HS1BP3: variants seen among roughly 807,000 people sequenced by gnomAD.
HS1BP3 encodes the protein HCLS1-binding protein 3.
Under a neutral mutation model 33.5 loss-of-function variants are expected in HS1BP3, and 32 were observed. The observed-to-expected ratio is 0.95, with a 90% CI of 0.72 to 1.28. The LOEUF (loss-of-function observed/expected upper bound fraction) is 1.28. HS1BP3 is among the 50% of genes most tolerant of loss of function. HS1BP3 has a pLI of 0.00. For synonymous variants in HS1BP3, 187 were observed against 209.2 expected (o/e 0.89, Z 0.92); for missense variants, 486 against 502.3 (o/e 0.97, Z 0.31).
In HS1BP3 at chr2:20,641,020, G is replaced by T; in HGVS notation, c.359C>A (p.Ser120Tyr). 2 of 1,614,188 alleles carry T rather than the reference G, an allele frequency of 1.2e-6. No individual in the cohort carries two copies. The highest frequency in any genetic ancestry group is 1.7e-6 in the Non-Finnish European group (2 of 1,180,032). The stretch of plus-strand genomic sequence containing the variant: ...GCTGCCTGCCAACTCGGCATCCTTG[G>T]AGACACAGCGCAGGATCTCATTGAA... ...AVFNEILRCV[S>Y]KDAELAGSPE... Residue 120 changes from serine (S) to tyrosine (Y), a missense_variant, in exon 3 of 7, where the codon TCC becomes TAC. Physicochemically the swap from Ser to Tyr is moderately radical, Grantham distance 144 (BLOSUM62 -2). Coordinates refer to ENST00000304031, the MANE Select transcript of HS1BP3 (RefSeq NM_022460.4).
downstream of HS1BP3, among the ~76,000 whole-genome samples, chr2:20,558,645 A>G (rs1470743336): frequency 1.3e-5 from 2 of 152,330 alleles, no homozygotes; most frequent in Admixed American, 6.5e-5. Flanking sequence ...GCAAACCCAC[A>G]TGGACAGAGA....
chr2:20,589,316 G>A (rs773894008), downstream of HS1BP3, among the ~76,000 whole-genome samples: 12 of 152,132 alleles, frequency 7.9e-5, no homozygotes, highest in Non-Finnish European at 1.5e-4. Context: ...CTGAAACTGT[G>A]CTGTTGGGGG....
At chr2:20,643,190 G>T (rs1040153763) in intron 2 of HS1BP3, among the ~76,000 whole-genome samples, 1 of 152,186 alleles carries the variant, frequency 6.6e-6, no homozygotes, top group East Asian at 1.9e-4. Context: ...GCCCCTGCAC[G>T]CACACACTCC....
rs546439824 is a variant in HS1BP3 at position 20,626,032 on chromosome 2, CGGG to C, written c.624-1143_624-1141del. Among the ~76,000 whole-genome samples the C allele has an allele frequency of 3.0e-3, 456 of 152,304 alleles. 1 individual carries two copies. The highest frequency in any genetic ancestry group is 5.1e-3 in the Non-Finnish European group (346 of 68,038). On this transcript the variant is annotated intron_variant, in intron 4 of 6. Transcript: ENST00000304031. ...AAATTCCGTGTGCCTGTCCGCCTGGCGGGCAGTTCCACTGGACTGAGGTCACTA... is the reference window on the plus strand; with the variant it reads ...AAATTCCGTGTGCCTGTCCGCCTGGCCAGTTCCACTGGACTGAGGTCACTA...
At chr2:20,625,572 T>C (rs1694754166) in intron 4 of HS1BP3, among the ~76,000 whole-genome samples, 1 of 152,206 alleles carries the variant, frequency 6.6e-6, no homozygotes, top group Non-Finnish European at 1.5e-5. Flanking sequence ...AAACCACCAT[T>C]GTTCTAGTTA....
intron 3 of HS1BP3, among the ~76,000 whole-genome samples, chr2:20,595,496 G>C (rs866206212): frequency 1.3e-5 from 2 of 152,320 alleles, no homozygotes; most frequent in African/African-American, 4.8e-5. Context: ...GGCAGCAGGA[G>C]GGCTTCCTGG....
At chr2:20,573,804 C>T (rs1412025634) in intron 5 of HS1BP3, among the ~76,000 whole-genome samples, 1 of 152,226 alleles carries the variant, frequency 6.6e-6, no homozygotes, top group African/African-American at 2.4e-5. Context: ...CAGGACCATT[C>T]ATCGGTGCTG....
At chr2:20,573,550 A>G (rs1693325654) in intron 5 of HS1BP3, among the ~76,000 whole-genome samples, 1 of 152,160 alleles carries the variant, frequency 6.6e-6, no homozygotes, top group South Asian at 2.1e-4. Flanking sequence ...GTTCCCAAAA[A>G]AGGCCTGGCT....
chr2:20,622,272 C>G, intron 6 of HS1BP3: 1 of 1,304,642 alleles, frequency 7.7e-7, no homozygotes, highest in Non-Finnish European at 1.0e-6. Context: ...AATGTGGTTC[C>G]TGCTCTCAAG....
intron 2 of HS1BP3, among the ~76,000 whole-genome samples, chr2:20,609,957 G>A (rs560027441): frequency 1.3e-5 from 2 of 152,352 alleles, no homozygotes; most frequent in African/African-American, 4.8e-5. Context: ...TATCACCAAA[G>A]GTGGGGCATG....
rs1695329180 is a variant in HS1BP3 at position 20,641,072 on chromosome 2, A to G, written c.307T>C (p.Ser103Pro). 1 of 1,613,828 alleles carries G rather than the reference A, an allele frequency of 6.2e-7. No homozygotes were observed. The change falls in exon 3 of 7, where the codon TCT becomes CCT. Residue 103 changes from serine (S) to proline (P), a missense_variant. Transcript: ENST00000304031. ...LPRKVLFVGE[S>P]DIRERRAVFN... ...ACGGCTCTCCTCTCCCGGATGTCAG[A>G]CTCCCCAACAAACAGGACCTTCCTG...
At chr2:20,566,696 T>C (rs1418614890) in intron 5 of HS1BP3, among the ~76,000 whole-genome samples, 1 of 151,692 alleles carries the variant, frequency 6.6e-6, no homozygotes, top group East Asian at 1.9e-4. Context: ...AAACCCTGCC[T>C]CCTGGGCTCA....
At chr2:20,558,999 G>A (rs62124182), downstream of HS1BP3, among the ~76,000 whole-genome samples, 21,121 of 152,210 alleles carry the variant, frequency 0.14, 1,607 homozygotes, top group South Asian at 0.25. Context: ...TGGGCTGGCC[G>A]CAGAGCAGGG....
At chr2:20,614,915 T>A (rs931705310), downstream of HS1BP3, among the ~76,000 whole-genome samples, 12 of 151,962 alleles carry the variant, frequency 7.9e-5, no homozygotes, top group Non-Finnish European at 1.8e-4. Flanking sequence ...AGCACAGGAG[T>A]GAGAGGCCAG....
At chr2:20,644,714 G>C (rs78596572) in intron 2 of HS1BP3, among the ~76,000 whole-genome samples, 1 of 152,070 alleles carries the variant, frequency 6.6e-6, no homozygotes, top group Non-Finnish European at 1.5e-5. Context: ...CACCTGTTTT[G>C]TTCCTTCCAA....
chr2:20,636,182 T>C (rs1194282969), intron 4 of HS1BP3: 3 of 151,106 alleles, frequency 2.0e-5, no homozygotes, highest in Non-Finnish European at 4.4e-5. Flanking sequence ...GAACAGAAAG[T>C]CCCCCACCAA....
At chr2:20,624,698 G>T in intron 5 of HS1BP3, 34 bp downstream of exon 5, 1 of 1,548,980 alleles carries the variant, frequency 6.5e-7, no homozygotes, top group Non-Finnish European at 8.7e-7. Context: ...GGCACCGAGA[G>T]GACACCAGGA....
At chr2:20,565,301 C>T (rs1274349473) in intron 5 of HS1BP3, among the ~76,000 whole-genome samples, 1 of 152,220 alleles carries the variant, frequency 6.6e-6, no homozygotes, top group African/African-American at 2.4e-5. Context: ...GTGTCGCCCA[C>T]AGCCTGCTCT....
Position 20,618,961 on chromosome 2 carries a change from C to A in HS1BP3, c.*26G>T. 1 of 1,601,736 alleles carries A rather than the reference C, an allele frequency of 6.2e-7. No individual in the cohort carries two copies. The highest frequency in any genetic ancestry group is 8.5e-7 in the Non-Finnish European group (1 of 1,172,206). ...ACCGATGTCCCCACAGACAGGCCTG[C>A]TGGGCCAGGGGCCAGCATGGAAGGG... On this transcript the variant is annotated 3_prime_UTR_variant, in exon 7 of 7. Coordinates refer to ENST00000304031, the MANE Select transcript of HS1BP3 (RefSeq NM_022460.4).
Sources: allele counts gnomAD v4.1 joint callset (sites outside exome capture counted in the v4.1 genomes callset), GRCh38; gene constraint gnomAD v4.1.1; transcripts MANE v1.5; gene names NCBI Gene and HGNC (gene_info 2026-07-23, HGNC 2026-07-21).